The following KCTD8 variants were observed in gnomAD, a reference collection of about 807,000 sequenced individuals.
KCTD8 encodes BTB/POZ domain-containing protein KCTD8.
KCTD8 carries 27 observed loss-of-function variants against 31.5 expected under a neutral mutation model. That is an observed-to-expected ratio of 0.86 (90% CI 0.63 to 1.18). The LOEUF is 1.18. Among genes scored for constraint, KCTD8 ranks in the 50% most tolerant of loss-of-function variants. The probability of loss-of-function intolerance (pLI) is 0.00; values close to 1 mark genes in which losing one functional copy is unlikely to be tolerated. For missense variants in KCTD8, 658 were observed against 647.7 expected (o/e 1.02, Z -0.17); for synonymous variants, 290 against 280.0 (o/e 1.04, Z -0.36).
At chr4:44,182,140 C>T (rs1288401343) in intron 1 of KCTD8, among the ~76,000 whole-genome samples, 5 of 151,500 alleles carry the variant, frequency 3.3e-5, no homozygotes, top group Non-Finnish European at 7.4e-5. Context: ...AGCCCCCGCC[C>T]GGCCAGCCGC....
At chr4:44,384,420 C>G (rs1560441584) in intron 1 of KCTD8, among the ~76,000 whole-genome samples, 1 of 151,764 alleles carries the variant, frequency 6.6e-6, no homozygotes. Flanking sequence ...CAGATAAATG[C>G]TTTTTAAAAA....
At chr4:44,391,685 T>C (rs1170414812) in intron 1 of KCTD8, among the ~76,000 whole-genome samples, 1 of 151,844 alleles carries the variant, frequency 6.6e-6, no homozygotes, top group East Asian at 1.9e-4. Flanking sequence ...GGGCTATTTG[T>C]AGTTAAGTTT....
chr4:44,179,501 T>C (rs369396435), intron 1 of KCTD8, among the ~76,000 whole-genome samples: 17 of 148,758 alleles, frequency 1.1e-4, no homozygotes, highest in Admixed American at 5.4e-4. Flanking sequence ...TCATGTTATA[T>C]ATATGTTTTA....
intron 1 of KCTD8, among the ~76,000 whole-genome samples, chr4:44,254,251 CA>C (rs770517391): frequency 6.6e-6 from 1 of 151,784 alleles, no homozygotes; most frequent in Non-Finnish European, 1.5e-5. Context: ...TAGGAATTAC[CA>C]GATTCAAATA....
chr4:44,257,701 G>A (rs1043838680), intron 1 of KCTD8, among the ~76,000 whole-genome samples: 3 of 151,786 alleles, frequency 2.0e-5, no homozygotes, highest in Admixed American at 1.3e-4. Flanking sequence ...TGATGTCATC[G>A]GTGCCAGCTG....
At chr4:44,358,249 G>A (rs1403086484) in intron 1 of KCTD8, among the ~76,000 whole-genome samples, 1 of 152,132 alleles carries the variant, frequency 6.6e-6, no homozygotes, top group Non-Finnish European at 1.5e-5. Context: ...TGGCTGCATA[G>A]TGTTCCATGG....
intron 1 of KCTD8, among the ~76,000 whole-genome samples, chr4:44,197,238 G>A (rs1245840621): frequency 6.6e-6 from 1 of 152,110 alleles, no homozygotes; most frequent in African/African-American, 2.4e-5. Context: ...CAGGTTCATA[G>A]GCCAGCAGAG....
Position 44,438,340 on chromosome 4 carries a change from A to C in KCTD8, c.961+9223T>G, listed in dbSNP as rs557882311. Among the ~76,000 whole-genome samples, 15 of 152,326 alleles carry C rather than the reference A, an allele frequency of 9.8e-5. No individual in the cohort carries two copies. The South Asian group carries it at 2.9e-3, about 30-fold the overall frequency. On this transcript the variant is annotated intron_variant, in intron 1 of 1. Coordinates refer to ENST00000360029, the MANE Select transcript of KCTD8 (RefSeq NM_198353.3). ...TTGGCCAAATGCCTAGACTCTGGGC[A>C]GTATTTGAGCCCATCTGGCTCTGTG...
intron 1 of KCTD8, among the ~76,000 whole-genome samples, chr4:44,299,758 T>TC (rs1717551396): frequency 6.7e-6 from 1 of 149,680 alleles, no homozygotes; most frequent in South Asian, 2.1e-4. Context: ...TTAGGTGATT[T>TC]TTTTTTTCCT....
chr4:44,358,529 T>C (rs1367918942), intron 1 of KCTD8, among the ~76,000 whole-genome samples: 2 of 152,052 alleles, frequency 1.3e-5, no homozygotes, highest in Admixed American at 6.5e-5. Context: ...CAAGTGTTCC[T>C]ATTTCTCCAC....
chr4:44,388,152 T>C (rs1218302054), intron 1 of KCTD8, among the ~76,000 whole-genome samples: 3 of 151,750 alleles, frequency 2.0e-5, no homozygotes, highest in Non-Finnish European at 4.4e-5. Context: ...AAAACCATAA[T>C]GGAGTACCAT....
intron 1 of KCTD8, among the ~76,000 whole-genome samples, chr4:44,389,597 G>A (rs945710030): frequency 6.6e-6 from 1 of 151,712 alleles, no homozygotes; most frequent in Non-Finnish European, 1.5e-5. Flanking sequence ...TGGGGGTGTG[G>A]AATGGGGAAT....
chr4:44,198,542 C>A (rs867955561), intron 1 of KCTD8, among the ~76,000 whole-genome samples: 3 of 152,246 alleles, frequency 2.0e-5, no homozygotes, highest in Non-Finnish European at 4.4e-5. Context: ...CCAAAAATTT[C>A]ATATCCCACC....
chr4:44,314,601 A>C (rs1364290786), intron 1 of KCTD8, among the ~76,000 whole-genome samples: 4 of 152,108 alleles, frequency 2.6e-5, no homozygotes, highest in African/African-American at 9.7e-5. Flanking sequence ...CATTAGTAAC[A>C]TTTTTATGGA....
intron 1 of KCTD8, among the ~76,000 whole-genome samples, chr4:44,375,040 C>A (rs575697065): frequency 1.3e-5 from 2 of 152,046 alleles, no homozygotes; most frequent in Non-Finnish European, 2.9e-5. Context: ...CAAGGTATGC[C>A]TATAATTTTA....
At position 44,368,726 on chromosome 4, in the gene KCTD8, A is replaced by G. The variant is rs1719704136; in HGVS notation, c.961+78837T>C. ...AACAAACAATAAGCCCTATTGATTCATCTTTGTCTGACAGTATTTTCAAAA... is the reference window on the plus strand; with the variant it reads ...AACAAACAATAAGCCCTATTGATTCGTCTTTGTCTGACAGTATTTTCAAAA... On this transcript the variant is annotated intron_variant, in intron 1 of 1. Coordinates refer to ENST00000360029, the MANE Select transcript of KCTD8 (RefSeq NM_198353.3). Among the ~76,000 whole-genome samples, 3 of 152,216 alleles carry G rather than the reference A, an allele frequency of 2.0e-5. No homozygotes were observed. The South Asian group carries it at 6.2e-4, about 32-fold the overall frequency.
intron 1 of KCTD8, among the ~76,000 whole-genome samples, chr4:44,333,741 G>C (rs1341575729): frequency 6.6e-6 from 1 of 152,068 alleles, no homozygotes; most frequent in Non-Finnish European, 1.5e-5. Flanking sequence ...TGAGAGGCAT[G>C]ATACAAGAGT....
chr4:44,405,228 A>G (rs1720758880), intron 1 of KCTD8, among the ~76,000 whole-genome samples: 1 of 146,684 alleles, frequency 6.8e-6, no homozygotes, highest in African/African-American at 2.5e-5. Flanking sequence ...CAAAGCTTTG[A>G]TCAGCCAGGT....
chr4:44,343,681 C>T (rs1577626726), intron 1 of KCTD8, among the ~76,000 whole-genome samples: 1 of 151,952 alleles, frequency 6.6e-6, no homozygotes, highest in East Asian at 1.9e-4. Context: ...AGGGTTTTCA[C>T]AAGAATAAAA....
Sources: allele counts gnomAD v4.1 joint callset (sites outside exome capture counted in the v4.1 genomes callset), GRCh38; gene constraint gnomAD v4.1.1; transcripts MANE v1.5; gene names NCBI Gene and HGNC (gene_info 2026-07-23, HGNC 2026-07-21).